The following TMTC3 variants were observed in gnomAD, a reference collection of about 807,000 sequenced individuals.
TMTC3 encodes protein O-mannosyl-transferase TMTC3.
TMTC3 carries 52 observed loss-of-function variants against 92.2 expected under a neutral mutation model. That is an observed-to-expected ratio of 0.56 (90% CI 0.45 to 0.71). TMTC3 has a LOEUF of 0.71. Among genes scored for constraint, TMTC3 ranks in the 30% least tolerant of loss-of-function variants. The pLI is 0.00. For synonymous variants in TMTC3, 339 were observed against 363.3 expected, an observed-to-expected ratio of 0.93 and a Z score of 0.76; for missense variants, 896 against 1,057.1, an observed-to-expected ratio of 0.85 and a Z score of 2.11.
rs1421485235 is a variant in TMTC3, at chr12:88,199,363, T to C, written c.*3714T>C. On this transcript the variant is annotated 3_prime_UTR_variant, in exon 14 of 14. Transcript: ENST00000266712. ...TCCTCTTAAAATTGTGAAGAGGATTTATATATTTATATGATATATTGTATA... is the reference window on the plus strand; with the variant it reads ...TCCTCTTAAAATTGTGAAGAGGATTCATATATTTATATGATATATTGTATA... 1 of 150,780 alleles carries C rather than the reference T, an allele frequency of 6.6e-6. No homozygotes were observed. Among genetic ancestry groups the C allele is most frequent in the East Asian group, 1.9e-4 (1 of 5,190 alleles). 9.3% of individuals were successfully genotyped at this position (150,780 alleles called of 1,614,324 possible).
chr12:88,191,797 C>A (rs1467825904), intron 12 of TMTC3, among the ~76,000 whole-genome samples: 2 of 151,090 alleles, frequency 1.3e-5, no homozygotes, highest in African/African-American at 4.9e-5. Flanking sequence ...GCTACCTCTG[C>A]CTCCTGGGTT....
At position 88,142,479 on chromosome 12, in the gene TMTC3, C is replaced by G. The variant is rs1021637732; in HGVS notation, c.-37C>G. 2 of 152,932 alleles carry G rather than the reference C, an allele frequency of 1.3e-5. No homozygotes were observed. The highest frequency in any genetic ancestry group is 4.8e-5 in the African/African-American group (2 of 41,468). 9.5% of individuals were successfully genotyped at this position (152,932 alleles called of 1,614,324 possible). Reference sequence around the variant, plus strand: ...TTCCTAAGCCATCCCCTGGCGGAACCGCCCCCAGGTGAGGTCGAGCTGTCG... The same window carrying G: ...TTCCTAAGCCATCCCCTGGCGGAACGGCCCCCAGGTGAGGTCGAGCTGTCG... On this transcript the variant is annotated 5_prime_UTR_variant, in exon 1 of 14. Coordinates refer to ENST00000266712, the MANE Select transcript of TMTC3 (RefSeq NM_181783.4).
At chr12:88,176,473 GC>G (rs1287473464) in intron 10 of TMTC3, among the ~76,000 whole-genome samples, 154 bp downstream of exon 10, 2 of 152,080 alleles carry the variant, frequency 1.3e-5, no homozygotes, top group Non-Finnish European at 2.9e-5. Flanking sequence ...ACATATAACA[GC>G]CACTTAATAT....
At chr12:88,180,767 G>A (rs2041309180) in intron 10 of TMTC3, among the ~76,000 whole-genome samples, 1 of 152,114 alleles carries the variant, frequency 6.6e-6, no homozygotes. Flanking sequence ...TTGAGGGGGT[G>A]TGAACACAAG....
intron 4 of TMTC3, among the ~76,000 whole-genome samples, chr12:88,158,745 T>C (rs2041039243): frequency 6.6e-6 from 1 of 152,130 alleles, no homozygotes; most frequent in Non-Finnish European, 1.5e-5. Context: ...CTTTAGTTAA[T>C]AGTCTTAATA....
At chr12:88,182,075 C>T (rs1339068919) in intron 10 of TMTC3, among the ~76,000 whole-genome samples, 2 of 152,206 alleles carry the variant, frequency 1.3e-5, no homozygotes, top group Non-Finnish European at 1.5e-5. Context: ...ATTCTTATGA[C>T]ATCAGGGTCA....
In TMTC3 at chr12:88,192,784, G is replaced by A. The variant is rs2041458956; in HGVS notation, c.1887G>A (p.Lys629=). 5 of 1,613,054 alleles carry A rather than the reference G, an allele frequency of 3.1e-6. No individual in the cohort carries two copies. Among genetic ancestry groups the A allele is most frequent in the Non-Finnish European group, 4.2e-6 (5 of 1,179,596 alleles). The change falls in exon 13 of 14, where the codon AAG becomes AAA. Residue 629 remains lysine (K), a synonymous_variant. Transcript: ENST00000266712. The part of the protein sequence containing the change: ...NFNRALELNP[K]HKLALFNSAI... ...ATCGTGCTCTGGAACTAAATCCAAA[G>A]CATAAACTAGCATTATTCAACTCTG...
intron 4 of TMTC3, among the ~76,000 whole-genome samples, chr12:88,155,321 C>T (rs556311214): frequency 6.6e-6 from 1 of 152,276 alleles, no homozygotes; most frequent in Admixed American, 6.5e-5. Context: ...ATAATAGTCC[C>T]CTACCTGTGC....
intron 4 of TMTC3, among the ~76,000 whole-genome samples, chr12:88,158,761 C>T (rs1023771705): frequency 2.0e-5 from 3 of 151,710 alleles, no homozygotes; most frequent in African/African-American, 2.4e-5. Context: ...TAATAAAAAC[C>T]GAGGTCACGG....
chr12:88,146,557 A>G (rs1351409629), intron 1 of TMTC3, among the ~76,000 whole-genome samples: 1 of 151,290 alleles, frequency 6.6e-6, no homozygotes. Context: ...CCCCAGGCAC[A>G]ACTAACAGAA....
rs140586930 is a variant in TMTC3, at chr12:88,148,275, AT to A, written c.-28-5del. 414 of 1,505,448 alleles carry A rather than the reference AT, an allele frequency of 2.8e-4. No individual in the cohort carries two copies. Among genetic ancestry groups the A allele is most frequent in the Middle Eastern group, 2.2e-4 (1 of 4,536 alleles). 93.3% of individuals were successfully genotyped at this position (1,505,448 alleles called of 1,614,324 possible). On this transcript the variant is annotated splice_polypyrimidine_tract_variant and intron_variant, in intron 1 of 13. Transcript: ENST00000266712. ...ATATGTTCCTTATTTTATCTTCATGATTTTTTTTCCAGTTTTTGTCCAGAAG... is the reference window on the plus strand; with the variant it reads ...ATATGTTCCTTATTTTATCTTCATGATTTTTTTCCAGTTTTTGTCCAGAAG...
At chr12:88,184,096 G>T (rs2041348872) in intron 10 of TMTC3, among the ~76,000 whole-genome samples, 1 of 152,094 alleles carries the variant, frequency 6.6e-6, no homozygotes, top group Non-Finnish European at 1.5e-5. Context: ...ACTGACACAG[G>T]AATTTTGCGT....
intron 6 of TMTC3, among the ~76,000 whole-genome samples, chr12:88,162,079 A>T (rs2041086446): frequency 6.6e-6 from 1 of 152,086 alleles, no homozygotes; most frequent in Admixed American, 6.5e-5. Context: ...CTGATTAAAA[A>T]TATCAGGTTT....
chr12:88,177,360 G>A (rs1229895278), intron 10 of TMTC3, among the ~76,000 whole-genome samples: 1 of 151,876 alleles, frequency 6.6e-6, no homozygotes, highest in African/African-American at 2.4e-5. Flanking sequence ...TTTTTCTGTT[G>A]CAACTTTTTA....
chr12:88,174,793 T>A, intron 9 of TMTC3, 66 bp downstream of exon 9: 1 of 1,582,506 alleles, frequency 6.3e-7, no homozygotes. Flanking sequence ...ATTTCTAAGC[T>A]GTTTTAACTT....
intron 4 of TMTC3, 29 bp downstream of exon 4, chr12:88,154,416 A>G: frequency 6.7e-7 from 1 of 1,485,026 alleles, no homozygotes; most frequent in Non-Finnish European, 9.2e-7. Flanking sequence ...ATTTTTTTTT[A>G]ATAGTGCTAA....
At chr12:88,173,720 C>G (rs1476784962) in intron 8 of TMTC3, among the ~76,000 whole-genome samples, 1 of 152,082 alleles carries the variant, frequency 6.6e-6, no homozygotes. Context: ...TTTATAATCA[C>G]TACCCATTTT....
chr12:88,160,670 C>T lies in TMTC3; in HGVS notation c.625-9C>T. On this transcript the variant is annotated splice_polypyrimidine_tract_variant and intron_variant, in intron 5 of 13. Coordinates refer to ENST00000266712, the MANE Select transcript of TMTC3 (RefSeq NM_181783.4). ...ATTTGTTGCTTAAAACATTTCTTTT[C>T]TTTTTCAGTATACTTTGCCATTACT... The T allele has an allele frequency of 6.2e-7, 1 of 1,610,480 alleles. No individual in the cohort carries two copies. The highest frequency in any genetic ancestry group is 8.5e-7 in the Non-Finnish European group (1 of 1,178,630).
At chr12:88,169,984 G>A (rs1041903876) in intron 7 of TMTC3, among the ~76,000 whole-genome samples, 2 of 151,806 alleles carry the variant, frequency 1.3e-5, no homozygotes, top group African/African-American at 4.8e-5. Flanking sequence ...GACTCTGGAG[G>A]TGACTGAGTG....
Sources: gnomAD v4.1 joint callset for allele counts (sites outside exome capture counted in the v4.1 genomes callset) on GRCh38, gnomAD v4.1.1 for gene constraint, MANE v1.5 for transcripts, NCBI Gene and HGNC (gene_info 2026-07-23, HGNC 2026-07-21) for gene names.